Variants in MAML2 observed in about 807,000 individuals in gnomAD.
MAML2 encodes the protein mastermind like transcriptional coactivator 2.
In MAML2, 22 loss-of-function variants were observed where a neutral mutation model predicts 96.1. The observed-to-expected ratio is 0.23, with a 90% CI of 0.16 to 0.33. MAML2 has a LOEUF of 0.33. MAML2 is among the 10% of genes least tolerant of loss of function. The pLI, the probability that MAML2 is intolerant of heterozygous loss-of-function variation, is 1.00. For synonymous variants in MAML2, 561 were observed against 521.3 expected (o/e 1.08, Z -1.04); for missense variants, 1,367 against 1,392.4 (o/e 0.98, Z 0.29).
At chr11:96,323,135 A>C (rs2136012553) in intron 1 of MAML2, among the ~76,000 whole-genome samples, 1 of 151,482 alleles carries the variant, frequency 6.6e-6, no homozygotes, top group African/African-American at 2.4e-5. Flanking sequence ...ACTCTCCAAG[A>C]GACCATGGAA....
At chr11:96,267,856 C>G (rs375753762) in intron 1 of MAML2, among the ~76,000 whole-genome samples, 11 of 152,200 alleles carry the variant, frequency 7.2e-5, no homozygotes, top group African/African-American at 2.4e-4. Flanking sequence ...GTTTTTTACA[C>G]CTCTCAGGAC....
chr11:96,334,963 GCTCTTTTAC>G (rs1863899920), intron 1 of MAML2, among the ~76,000 whole-genome samples: 1 of 152,148 alleles, frequency 6.6e-6, no homozygotes, highest in Non-Finnish European at 1.5e-5. Flanking sequence ...AATAGCTTTT[GCTCTTTTAC>G]CTCTGTTTCT....
At chr11:96,079,448 T>C (rs925830401) in intron 2 of MAML2, among the ~76,000 whole-genome samples, 1 of 152,176 alleles carries the variant, frequency 6.6e-6, no homozygotes, top group African/African-American at 2.4e-5. Flanking sequence ...GTGTGGAGAA[T>C]GGCAAGAATC....
chr11:96,182,547 C>T (rs477603), intron 1 of MAML2, among the ~76,000 whole-genome samples: 134,981 of 152,138 alleles, frequency 0.89, 60,004 homozygotes, highest in Middle Eastern at 0.95. Context: ...CTACTAGAAG[C>T]AGGTTAAATT....
At chr11:96,117,663 C>T (rs1420698726) in intron 1 of MAML2, among the ~76,000 whole-genome samples, 2 of 152,134 alleles carry the variant, frequency 1.3e-5, no homozygotes, top group Non-Finnish European at 2.9e-5. Context: ...GCATCATTAA[C>T]AACTAACCCT....
At position 96,341,668 on chromosome 11, in the gene MAML2, G is replaced by A; in HGVS notation, c.228C>T (p.Leu76=). The change falls in exon 1 of 5, where the codon CTC becomes CTT. Residue 76 remains leucine, a synonymous_variant. Coordinates refer to ENST00000524717, the MANE Select transcript of MAML2 (RefSeq NM_032427.4). ...SDRERESTLQ[L]LSLVQHGQGA... is the part of the protein sequence containing the mutation. ...CCTGGCCATGCTGTACAAGGCTCAG[G>A]AGCTGCAAGGTGCTTTCTCTTTCCC... 7.6e-6 allele frequency: 12 copies of A among 1,582,278 alleles called. No homozygotes were observed. The highest frequency in any genetic ancestry group is 1.0e-5 in the Non-Finnish European group (12 of 1,163,818).
intron 2 of MAML2, among the ~76,000 whole-genome samples, chr11:96,066,664 T>C (rs994524099): frequency 1.6e-4 from 8 of 50,526 alleles, no homozygotes; most frequent in African/African-American, 5.4e-4. Flanking sequence ...AAATATTAAT[T>C]AAACATTTAT....
intron 1 of MAML2, among the ~76,000 whole-genome samples, chr11:96,134,041 T>A (rs1297929039): frequency 6.6e-6 from 1 of 152,116 alleles, no homozygotes; most frequent in African/African-American, 2.4e-5. Flanking sequence ...GAAAGAACAG[T>A]TTATAATTAG....
chr11:95,977,731 A>T lies in MAML2; in HGVS notation c.*1217T>A, dbSNP rs1455220235. The stretch of plus-strand genomic sequence containing the variant: ...CCTGGATATGAAGAGTCCATCTAGC[A>T]TGTGGCAATGATTCATCACATCAGG... On this transcript the variant is annotated 3_prime_UTR_variant, in exon 5 of 5. Coordinates refer to ENST00000524717, the MANE Select transcript of MAML2 (RefSeq NM_032427.4). 4.5e-6 allele frequency: 1 copy of T among 223,806 alleles called. No individual in the cohort carries two copies. The highest frequency in any genetic ancestry group is 2.2e-5 in the African/African-American group (1 of 45,008). 13.9% of individuals were successfully genotyped at this position (223,806 alleles called of 1,614,324 possible). A position where few individuals can be genotyped will look rare whatever the true frequency, so the allele number is the denominator to read the frequency against.
At chr11:96,161,330 T>G (rs1861100200) in intron 1 of MAML2, among the ~76,000 whole-genome samples, 1 of 152,270 alleles carries the variant, frequency 6.6e-6, no homozygotes, top group African/African-American at 2.4e-5. Flanking sequence ...CTTTAGAATG[T>G]ATTTTTCTAT....
chr11:96,024,266 C>G (rs895452106), intron 2 of MAML2, among the ~76,000 whole-genome samples: 1 of 152,242 alleles, frequency 6.6e-6, no homozygotes, highest in Non-Finnish European at 1.5e-5. Context: ...CATGGGCTTA[C>G]AGCCCCAACT....
chr11:96,131,012 A>G (rs761946354), intron 1 of MAML2, among the ~76,000 whole-genome samples: 2 of 152,224 alleles, frequency 1.3e-5, no homozygotes, highest in Non-Finnish European at 2.9e-5. Context: ...CATAAATTTC[A>G]TAACAGAGCT....
chr11:96,152,369 C>T (rs75780261), intron 1 of MAML2, among the ~76,000 whole-genome samples: 8,197 of 151,940 alleles, frequency 0.054, 537 homozygotes, highest in African/African-American at 0.15. Flanking sequence ...CCAACTACTA[C>T]AGCTATTAAA....
chr11:96,334,991 T>C (rs902193743), intron 1 of MAML2, among the ~76,000 whole-genome samples: 1 of 152,218 alleles, frequency 6.6e-6, no homozygotes, highest in African/African-American at 2.4e-5. Context: ...CTCACAAATG[T>C]GTAGGCCAAG....
chr11:96,295,976 A>ACACACACG (rs1339756703), intron 1 of MAML2, among the ~76,000 whole-genome samples: 5 of 149,950 alleles, frequency 3.3e-5, no homozygotes, highest in Non-Finnish European at 3.0e-5. Context: ...ACACACACAC[A>ACACACACG]CACGAAACTA....
chr11:96,047,637 G>A (rs1023327774), intron 2 of MAML2, among the ~76,000 whole-genome samples: 6 of 152,024 alleles, frequency 3.9e-5, no homozygotes, highest in Non-Finnish European at 5.9e-5. Context: ...TTGGCCGGGC[G>A]CGGTGGCTCA....
At chr11:96,235,391 A>G (rs1286760297) in intron 1 of MAML2, among the ~76,000 whole-genome samples, 2 of 152,336 alleles carry the variant, frequency 1.3e-5, no homozygotes, top group Non-Finnish European at 2.9e-5. Context: ...ATGGTCCACA[A>G]AGCCTAAAAT....
chr11:96,096,036 CAG>C (rs1859820906), intron 1 of MAML2, among the ~76,000 whole-genome samples: 1 of 152,172 alleles, frequency 6.6e-6, no homozygotes, highest in South Asian at 2.1e-4. Context: ...GAACACAGAC[CAG>C]AGAGAGTCAG....
chr11:96,132,675 C>G (rs187825414), intron 1 of MAML2, among the ~76,000 whole-genome samples: 1 of 152,332 alleles, frequency 6.6e-6, no homozygotes. Context: ...GTTCTGACAA[C>G]AGCCATGACA....
Sources: gnomAD v4.1 joint callset for allele counts (sites outside exome capture counted in the v4.1 genomes callset) on GRCh38, gnomAD v4.1.1 for gene constraint, MANE v1.5 for transcripts, NCBI Gene and HGNC (gene_info 2026-07-23, HGNC 2026-07-21) for gene names.